The following BMPER variants were observed in gnomAD, a reference collection of about 807,000 sequenced individuals.
BMPER encodes BMP-binding endothelial regulator protein.
A neutral mutation model predicts 87.3 loss-of-function variants in BMPER; 45 were observed. The observed-to-expected ratio is 0.52, with a 90% CI of 0.41 to 0.66. BMPER has a LOEUF of 0.66. Ranked by LOEUF, BMPER falls within the 30% of genes least tolerant of loss-of-function variation. The probability of loss-of-function intolerance (pLI) is 0.00; values close to 1 mark genes in which losing one functional copy is unlikely to be tolerated. For synonymous variants in BMPER, 326 were observed against 316.2 expected (o/e 1.03, Z -0.33); for missense variants, 784 against 867.5 (o/e 0.90, Z 1.21).
At chr7:33,997,966 G>C (rs934637452) in intron 6 of BMPER, among the ~76,000 whole-genome samples, 1 of 152,102 alleles carries the variant, frequency 6.6e-6, no homozygotes, top group Admixed American at 6.6e-5. Context: ...TTTCCCCATT[G>C]CTTATTTATC....
At chr7:33,949,490 T>C (rs1784968984) in intron 3 of BMPER, among the ~76,000 whole-genome samples, 1 of 152,178 alleles carries the variant, frequency 6.6e-6, no homozygotes, top group Non-Finnish European at 1.5e-5. Context: ...TAGGAGTCTC[T>C]AGCTTTACTC....
At chr7:33,953,061 T>G (rs1458954751) in intron 3 of BMPER, among the ~76,000 whole-genome samples, 3 of 152,226 alleles carry the variant, frequency 2.0e-5, no homozygotes, top group Non-Finnish European at 4.4e-5. Flanking sequence ...TGGCTGATGC[T>G]GAACACATGA....
chr7:34,004,818 C>T (rs1450384463), intron 6 of BMPER, among the ~76,000 whole-genome samples: 1 of 152,112 alleles, frequency 6.6e-6, no homozygotes, highest in African/African-American at 2.4e-5. Context: ...GCTTATCCTT[C>T]ACTTTCGGAT....
At chr7:34,009,503 A>G (rs1419589022) in intron 6 of BMPER, among the ~76,000 whole-genome samples, 1 of 151,916 alleles carries the variant, frequency 6.6e-6, no homozygotes, top group African/African-American at 2.4e-5. Context: ...CTTATTGTCC[A>G]CCTCAAAATG....
chr7:34,093,744 TAGA>T (rs773473075), intron 13 of BMPER, among the ~76,000 whole-genome samples: 1 of 152,322 alleles, frequency 6.6e-6, no homozygotes, highest in Non-Finnish European at 1.5e-5. Context: ...GAGATGCAAT[TAGA>T]AGGGACTTTT....
At chr7:34,132,982 T>G (rs959728495) in intron 13 of BMPER, among the ~76,000 whole-genome samples, 2 of 152,108 alleles carry the variant, frequency 1.3e-5, no homozygotes, top group Admixed American at 1.3e-4. Flanking sequence ...ATCTTTTTTT[T>G]AAATTTGAAT....
intron 2 of BMPER, among the ~76,000 whole-genome samples, chr7:33,914,591 A>G (rs1188681221): frequency 6.6e-6 from 1 of 152,208 alleles, no homozygotes; most frequent in Non-Finnish European, 1.5e-5. Flanking sequence ...TCGTGAGTTC[A>G]GTATAGAGAA....
intron 2 of BMPER, among the ~76,000 whole-genome samples, chr7:33,936,285 G>A (rs944105735): frequency 1.3e-5 from 2 of 152,158 alleles, no homozygotes; most frequent in South Asian, 2.1e-4. Context: ...AACCTGCCCC[G>A]AGATGAGGCA....
At chr7:34,100,588 A>G (rs1182037208) in intron 13 of BMPER, among the ~76,000 whole-genome samples, 1 of 152,114 alleles carries the variant, frequency 6.6e-6, no homozygotes, top group Non-Finnish European at 1.5e-5. Context: ...ACAGAATCTC[A>G]CCTGTCTATG....
intron 2 of BMPER, among the ~76,000 whole-genome samples, chr7:33,913,334 A>G (rs186407774): frequency 6.6e-6 from 1 of 152,250 alleles, no homozygotes; most frequent in Non-Finnish European, 1.5e-5. Flanking sequence ...TAAGGATATC[A>G]GTTCCATTCA....
intron 13 of BMPER, among the ~76,000 whole-genome samples, chr7:34,096,176 G>A (rs1417514300): frequency 1.3e-5 from 2 of 152,210 alleles, no homozygotes; most frequent in African/African-American, 4.8e-5. Context: ...GACCTGGGGT[G>A]GGTGTCCTCA....
intron 3 of BMPER, among the ~76,000 whole-genome samples, chr7:33,937,818 C>T (rs1343169233): frequency 2.0e-5 from 3 of 152,066 alleles, no homozygotes; most frequent in Admixed American, 1.3e-4. Flanking sequence ...TTATCATTTT[C>T]GTCCTCATTA....
intron 6 of BMPER, among the ~76,000 whole-genome samples, chr7:34,033,513 T>C (rs1423205160): frequency 6.6e-6 from 1 of 152,222 alleles, no homozygotes; most frequent in African/African-American, 2.4e-5. Flanking sequence ...GCCTTCAGTA[T>C]GTAAGCTTTC....
chr7:34,129,481 T>G (rs560986357), intron 13 of BMPER, among the ~76,000 whole-genome samples: 2 of 149,774 alleles, frequency 1.3e-5, no homozygotes, highest in African/African-American at 4.9e-5. Context: ...GAGGTTGCAG[T>G]GAGCTGAGAT....
chr7:33,913,510 G>C (rs1047792630), intron 2 of BMPER, among the ~76,000 whole-genome samples: 1 of 152,202 alleles, frequency 6.6e-6, no homozygotes, highest in African/African-American at 2.4e-5. Context: ...GTGAGAGCAA[G>C]CAGCCTGGAG....
chr7:33,963,887 T>C (rs951375432), intron 3 of BMPER, among the ~76,000 whole-genome samples: 5 of 152,150 alleles, frequency 3.3e-5, no homozygotes, highest in Non-Finnish European at 7.4e-5. Context: ...ATGGAAAATT[T>C]TGTGTGCATC....
intron 7 of BMPER, among the ~76,000 whole-genome samples, chr7:34,047,824 C>CTTCCT (rs1312499057): frequency 1.4e-4 from 9 of 64,750 alleles, no homozygotes; most frequent in East Asian, 4.3e-4. Flanking sequence ...CCTCACTTTC[C>CTTCCT]TACTTTCTTG....
At chr7:34,014,656 T>C (rs1786973275) in intron 6 of BMPER, among the ~76,000 whole-genome samples, 1 of 151,938 alleles carries the variant, frequency 6.6e-6, no homozygotes, top group Non-Finnish European at 1.5e-5. Context: ...ACATCTATAG[T>C]ATAAGAGTTC....
intron 6 of BMPER, among the ~76,000 whole-genome samples, chr7:34,031,128 C>G (rs1787507042): frequency 6.6e-6 from 1 of 152,060 alleles, no homozygotes; most frequent in Non-Finnish European, 1.5e-5. Flanking sequence ...TCCTTCTAGA[C>G]CTCAGATGGA....
Sources: gnomAD v4.1 joint callset for allele counts (sites outside exome capture counted in the v4.1 genomes callset) on GRCh38, gnomAD v4.1.1 for gene constraint, MANE v1.5 for transcripts, NCBI Gene and HGNC (gene_info 2026-07-23, HGNC 2026-07-21) for gene names.